Variants in MAU2 observed in about 807,000 individuals in gnomAD.
MAU2 encodes the protein MAU2 sister chromatid cohesion factor.
MAU2 carries 9 observed loss-of-function variants against 89.1 expected under a neutral mutation model. The ratio of observed to expected loss-of-function variants is 0.10; its 90% CI spans 0.06 to 0.18. The LOEUF (loss-of-function observed/expected upper bound fraction) is 0.18, where lower values mean the gene tolerates loss of function less well. Ranked by LOEUF, MAU2 falls within the 10% of genes least tolerant of loss-of-function variation. MAU2 has a pLI of 1.00. For synonymous variants in MAU2, 357 were observed against 343.4 expected (o/e 1.04, Z -0.44); for missense variants, 425 against 803.5 (o/e 0.53, Z 5.69).
chr19:19,334,333 C>T (rs537548483), intron 1 of MAU2: 151 of 985,678 alleles, frequency 1.5e-4, no homozygotes, highest in African/African-American at 6.8e-4. Context: ...TGGGCTCCTG[C>T]GTGTGGGTGC....
chr19:19,321,228 C>A, intron 1 of MAU2, 93 bp downstream of exon 1: 2 of 1,353,132 alleles, frequency 1.5e-6, no homozygotes, highest in Non-Finnish European at 1.9e-6. Context: ...GGGGCCGCTC[C>A]TCGGCGACCT....
chr19:19,335,332 G>A (rs536043433), intron 1 of MAU2, among the ~76,000 whole-genome samples: 7 of 152,114 alleles, frequency 4.6e-5, no homozygotes, highest in Admixed American at 2.0e-4. Flanking sequence ...CTTCCTCTCT[G>A]CCTGACCTCT....
At chr19:19,348,780 C>A in intron 13 of MAU2, 109 bp from the exon 14 acceptor site, 2 of 1,220,030 alleles carry the variant, frequency 1.6e-6, no homozygotes, top group Non-Finnish European at 1.2e-6. Flanking sequence ...AGCCTGGAGG[C>A]CACAGTCCCG....
intron 1 of MAU2, among the ~76,000 whole-genome samples, chr19:19,330,104 A>C (rs529650186): frequency 6.6e-6 from 1 of 151,664 alleles, no homozygotes; most frequent in African/African-American, 2.4e-5. Flanking sequence ...CTCAGCTTCC[A>C]GAGTAGCTGA....
chr19:19,351,950 C>T (rs2061748814), intron 16 of MAU2, among the ~76,000 whole-genome samples: 2 of 147,904 alleles, frequency 1.4e-5, no homozygotes, highest in Non-Finnish European at 3.0e-5. Flanking sequence ...CCAGGTTCCA[C>T]GGATTCTCCT....
intron 1 of MAU2, among the ~76,000 whole-genome samples, chr19:19,333,064 C>G (rs1380898966): frequency 6.7e-6 from 1 of 148,428 alleles, no homozygotes; most frequent in Non-Finnish European, 1.5e-5. Context: ...GCAACAAGAG[C>G]GAAACTCCAT....
chr19:19,337,151 C>A lies in MAU2; in HGVS notation c.361-19C>A. 1 of 1,545,138 alleles carries A rather than the reference C, an allele frequency of 6.5e-7. No homozygotes were observed. The highest frequency in any genetic ancestry group is 8.9e-7 in the Non-Finnish European group (1 of 1,123,370). On this transcript the variant is annotated intron_variant, in intron 3 of 18. Coordinates refer to ENST00000262815, the MANE Select transcript of MAU2 (RefSeq NM_015329.4). The stretch of plus-strand genomic sequence containing the variant: ...TTTTTTTTTTTCTTACATTCCCAAA[C>A]GTGACTATTTCCTTTCAGAATTCCG...
At chr19:19,336,695 G>T (rs985094924) in intron 3 of MAU2, among the ~76,000 whole-genome samples, 1 of 152,200 alleles carries the variant, frequency 6.6e-6, no homozygotes, top group African/African-American at 2.4e-5. Context: ...CTGTTGGAAA[G>T]ATCAGCCTGT....
rs1401084299 is a variant in MAU2 at position 19,355,290 on chromosome 19, A to G, written c.1666A>G (p.Met556Val). 15 of 1,613,998 alleles carry G rather than the reference A, an allele frequency of 9.3e-6. No homozygotes were observed. Among genetic ancestry groups the G allele is most frequent in the African/African-American group, 2.7e-5 (2 of 74,934 alleles). The change falls in exon 18 of 19, where the codon ATG becomes GTG. Residue 556 changes from methionine to valine, a missense_variant. Around this residue, in one of 11 missense-constraint regions of MAU2, gnomAD observed 33 missense variants for 94.1 expected, o/e 0.35. Transcript: ENST00000262815. ...RDLNKACGNA[M>V]DAHEAAQMHQ... ...CCTGAATAAAGCCTGTGGGAACGCC[A>G]TGGATGCCCATGAAGCCGCCCAGAT...
intron 1 of MAU2, among the ~76,000 whole-genome samples, chr19:19,322,100 C>T (rs2061464181): frequency 6.6e-6 from 1 of 151,850 alleles, no homozygotes; most frequent in Non-Finnish European, 1.5e-5. Flanking sequence ...CGGGTTCAGG[C>T]CATTCTCCTG....
chr19:19,348,583 G>A, intron 13 of MAU2: 1 of 539,906 alleles, frequency 1.9e-6, no homozygotes, highest in Non-Finnish European at 3.3e-6. Context: ...GCCCCAGCCT[G>A]CCAACCTACC....
chr19:19,355,833 C>T lies in MAU2; in HGVS notation c.*51C>T. On this transcript the variant is annotated 3_prime_UTR_variant, in exon 19 of 19. Coordinates refer to ENST00000262815, the MANE Select transcript of MAU2 (RefSeq NM_015329.4). ...GCAGGGCCTGCGCGTCTCCGGCTTC[C>T]ACCCAGACGGCACTCAAGCCTGCCC... The T allele has an allele frequency of 6.6e-7, 1 of 1,523,808 alleles. No individual in the cohort carries two copies. The highest frequency in any genetic ancestry group is 9.0e-7 in the Non-Finnish European group (1 of 1,111,074). The allele number at this position is 1,523,808 out of a possible 1,614,324, so 94.4% of individuals were successfully genotyped here.
At chr19:19,325,560 T>C (rs2061497097) in intron 1 of MAU2, among the ~76,000 whole-genome samples, 1 of 151,350 alleles carries the variant, frequency 6.6e-6, no homozygotes, top group Non-Finnish European at 1.5e-5. Context: ...GCTCACTGCA[T>C]ACTCCACCTC....
intron 6 of MAU2, 85 bp from the exon 7 acceptor site, chr19:19,341,167 C>T: frequency 6.8e-7 from 1 of 1,474,512 alleles, no homozygotes; most frequent in Non-Finnish European, 9.2e-7. Flanking sequence ...AGTCCCAGGG[C>T]AGGTGGGCAG....
At chr19:19,340,391 G>A (rs560289443) in intron 5 of MAU2, among the ~76,000 whole-genome samples, 13 of 151,964 alleles carry the variant, frequency 8.6e-5, no homozygotes, top group African/African-American at 2.9e-4. Flanking sequence ...TGTAATCCCA[G>A]CACTTTGGGA....
Position 19,334,540 on chromosome 19 carries a change from G to T in MAU2, c.277-1178G>T, listed in dbSNP as rs185201281. 141 of 985,600 alleles carry T rather than the reference G, an allele frequency of 1.4e-4. 1 individual carries two copies. In the African/African-American group the frequency reaches 2.2e-3, roughly 16 times the overall value. The allele number at this position is 985,600 out of a possible 1,614,324, so 61.1% of individuals were successfully genotyped here. A position where few individuals can be genotyped will look rare whatever the true frequency, so the allele number is the denominator to read the frequency against. On this transcript the variant is annotated intron_variant, in intron 1 of 18. Transcript: ENST00000262815. ...ATCTCCAGGCCTCACTGGCTCCTCC[G>T]CACTCCCTTCGTGAATACTCTCTGC...
rs946662589 is a variant in MAU2 at position 19,338,972 on chromosome 19, C to T, written c.551+33C>T. On this transcript the variant is annotated intron_variant, in intron 5 of 18. Coordinates refer to ENST00000262815, the MANE Select transcript of MAU2 (RefSeq NM_015329.4). ...CCCACTCCCCTCCTTCCCTCCTGCT[C>T]TGTTAACAGGAGGGGCTTGGCCATC... is the stretch of plus-strand genomic sequence containing the variant. 5 of 1,542,290 alleles carry T rather than the reference C, an allele frequency of 3.2e-6. No individual in the cohort carries two copies. The African/African-American group carries it at 6.8e-5, about 21-fold the overall frequency.
intron 1 of MAU2, among the ~76,000 whole-genome samples, chr19:19,326,702 G>GTGTA (rs2061508302): frequency 6.1e-5 from 3 of 49,156 alleles, no homozygotes; most frequent in African/African-American, 1.1e-4. Flanking sequence ...ATATATATAT[G>GTGTA]TATATATATA....
In MAU2 at chr19:19,349,143, C is replaced by A; in HGVS notation, c.1359-12C>A. 6.2e-7 allele frequency: 1 copy of A among 1,613,988 alleles called. No homozygotes were observed. The highest frequency in any genetic ancestry group is 8.5e-7 in the Non-Finnish European group (1 of 1,180,002). On this transcript the variant is annotated splice_polypyrimidine_tract_variant and intron_variant, in intron 14 of 18. Transcript: ENST00000262815. ...AATCACCACCCCATGTGATACTGCA[C>A]TCTCCCTGCAGCTCGCACTGCCTCC...
Sources: allele counts gnomAD v4.1 joint callset (sites outside exome capture counted in the v4.1 genomes callset), GRCh38; gene constraint gnomAD v4.1.1; regional missense constraint gnomAD v4.1.1; transcripts MANE v1.5; gene names NCBI Gene and HGNC (gene_info 2026-07-23, HGNC 2026-07-21).